The following NRXN3 variants were observed in gnomAD, a reference collection of about 807,000 sequenced individuals.
NRXN3 encodes neurexin III.
A neutral mutation model predicts 137.6 loss-of-function variants in NRXN3; 32 were observed. That is an observed-to-expected ratio of 0.23 (90% CI 0.18 to 0.31). NRXN3 has a LOEUF of 0.31. Ranked by LOEUF, NRXN3 falls within the 10% of genes least tolerant of loss-of-function variation. The pLI, the probability that NRXN3 is intolerant of heterozygous loss-of-function variation, is 1.00. For synonymous variants in NRXN3, 798 were observed against 784.5 expected (o/e 1.02, Z -0.29); for missense variants, 1,574 against 2,062.5 (o/e 0.76, Z 4.59).
chr14:78,501,384 T>G lies in NRXN3; in HGVS notation c.758-143736T>G, dbSNP rs369999435. Among the ~76,000 whole-genome samples the G allele has an allele frequency of 2.0e-5, 3 of 152,252 alleles. No homozygotes were observed. The East Asian group carries it at 5.8e-4, about 29-fold the overall frequency. Reference sequence around the variant, plus strand: ...AGATCCCTCCCTCATTGCCTCACCGTGTGGACCTTTCCATAGAGCGGCCCA... The same window carrying G: ...AGATCCCTCCCTCATTGCCTCACCGGGTGGACCTTTCCATAGAGCGGCCCA... On this transcript the variant is annotated intron_variant, in intron 4 of 20. Coordinates refer to ENST00000335750, the MANE Select transcript of NRXN3 (RefSeq NM_001330195.2).
At chr14:79,375,370 C>T (rs1383016449) in intron 15 of NRXN3, among the ~76,000 whole-genome samples, 2 of 148,000 alleles carry the variant, frequency 1.4e-5, no homozygotes, top group African/African-American at 2.5e-5. Context: ...TGTTTTGACT[C>T]TGCAGGGAAA....
At chr14:78,511,596 G>T (rs78436853) in intron 4 of NRXN3, among the ~76,000 whole-genome samples, 1 of 152,206 alleles carries the variant, frequency 6.6e-6, no homozygotes. Flanking sequence ...AAGAGATTTT[G>T]CATATATATT....
intron 19 of NRXN3, among the ~76,000 whole-genome samples, chr14:79,800,040 T>G (rs895781556): frequency 6.6e-6 from 1 of 152,186 alleles, no homozygotes; most frequent in Admixed American, 6.5e-5. Context: ...GTGAAAATTA[T>G]TTGGTGGGTG....
chr14:79,482,687 GA>G (rs919413556), intron 16 of NRXN3, among the ~76,000 whole-genome samples: 14 of 149,654 alleles, frequency 9.4e-5, no homozygotes, highest in South Asian at 6.4e-4. Flanking sequence ...CTGGGGGGGA[GA>G]AAAAAAAACA....
intron 8 of NRXN3, among the ~76,000 whole-genome samples, chr14:78,746,371 T>C (rs2098607253): frequency 6.6e-6 from 1 of 152,194 alleles, no homozygotes; most frequent in East Asian, 1.9e-4. Flanking sequence ...TTTATGCTTT[T>C]TCACAAAAGC....
At chr14:78,310,011 A>G (rs1208884094) in intron 4 of NRXN3, among the ~76,000 whole-genome samples, 2 of 152,270 alleles carry the variant, frequency 1.3e-5, no homozygotes, top group East Asian at 3.9e-4. Context: ...TAAAGATACT[A>G]GTCTGGTTAA....
At chr14:79,651,129 C>T (rs554343231) in intron 16 of NRXN3, among the ~76,000 whole-genome samples, 4 of 152,262 alleles carry the variant, frequency 2.6e-5, no homozygotes, top group Non-Finnish European at 5.9e-5. Context: ...AATCCAAACA[C>T]AGAAGCAGAG....
intron 8 of NRXN3, among the ~76,000 whole-genome samples, chr14:78,790,043 A>G (rs1255571709): frequency 6.6e-6 from 1 of 152,174 alleles, no homozygotes; most frequent in Non-Finnish European, 1.5e-5. Flanking sequence ...GAATGAGAGA[A>G]CAAATATTAT....
intron 15 of NRXN3, among the ~76,000 whole-genome samples, chr14:79,410,214 C>T (rs939014956): frequency 2.0e-5 from 3 of 151,902 alleles, no homozygotes; most frequent in Non-Finnish European, 2.9e-5. Flanking sequence ...CACACACACA[C>T]GTGCATACTC....
At chr14:78,812,003 T>G (rs1480383145) in intron 10 of NRXN3, among the ~76,000 whole-genome samples, 2 of 152,180 alleles carry the variant, frequency 1.3e-5, no homozygotes, top group Non-Finnish European at 2.9e-5. Flanking sequence ...TTTTTTGGTT[T>G]GTTTGTTTTT....
rs190237251 is a variant in NRXN3 at position 79,177,684 on chromosome 14, T to G, written c.3262+189543T>G. 4.6e-5 allele frequency among the ~76,000 whole-genome samples: 7 copies of G among 152,338 alleles called. No individual in the cohort carries two copies. The East Asian group carries it at 1.4e-3, about 29-fold the overall frequency. The stretch of plus-strand genomic sequence containing the variant: ...TCTTTCCCTCTGATACATTTGCATT[T>G]GAAGGGTGATCTTGTAGCATTTGAG... On this transcript the variant is annotated intron_variant, in intron 15 of 20. Coordinates refer to ENST00000335750, the MANE Select transcript of NRXN3 (RefSeq NM_001330195.2).
intron 15 of NRXN3, among the ~76,000 whole-genome samples, chr14:79,006,011 G>C (rs566596905): frequency 6.6e-6 from 1 of 151,804 alleles, no homozygotes; most frequent in Non-Finnish European, 1.5e-5. Flanking sequence ...TTATATTCCC[G>C]GTCTCTGTAT....
intron 16 of NRXN3, among the ~76,000 whole-genome samples, chr14:79,512,179 G>A (rs868596369): frequency 3.9e-5 from 6 of 152,190 alleles, no homozygotes; most frequent in African/African-American, 1.4e-4. Flanking sequence ...AATTACAGGC[G>A]AGAGCCACTG....
At chr14:79,258,848 GGGTAT>G (rs1487784425) in intron 15 of NRXN3, among the ~76,000 whole-genome samples, 1 of 152,130 alleles carries the variant, frequency 6.6e-6, no homozygotes, top group African/African-American at 2.4e-5. Context: ...GAGAAAAGAA[GGGTAT>G]GTGATTAAGT....
intron 10 of NRXN3, among the ~76,000 whole-genome samples, chr14:78,882,971 G>A (rs1485510527): frequency 6.6e-6 from 1 of 152,068 alleles, no homozygotes; most frequent in African/African-American, 2.4e-5. Flanking sequence ...TCTCATGATA[G>A]TGAGTGAGTT....
chr14:79,262,441 G>A (rs905345429), intron 15 of NRXN3, among the ~76,000 whole-genome samples: 12 of 150,000 alleles, frequency 8.0e-5, no homozygotes, highest in South Asian at 2.1e-4. Context: ...GAAGGAGGAG[G>A]AGAAAGAGGA....
chr14:78,334,856 T>G (rs1256640715), intron 4 of NRXN3, among the ~76,000 whole-genome samples: 1 of 152,108 alleles, frequency 6.6e-6, no homozygotes, highest in Non-Finnish European at 1.5e-5. Flanking sequence ...AATGATTCTG[T>G]AAACACTTAT....
chr14:79,753,766 C>A (rs894247014), intron 19 of NRXN3, among the ~76,000 whole-genome samples: 2 of 151,790 alleles, frequency 1.3e-5, no homozygotes, highest in African/African-American at 4.8e-5. Context: ...GTTGCCTAAG[C>A]CTGCCCACCT....
chr14:78,880,109 G>A (rs903617696), intron 10 of NRXN3, among the ~76,000 whole-genome samples: 1 of 146,856 alleles, frequency 6.8e-6, no homozygotes, highest in Admixed American at 6.7e-5. Flanking sequence ...GCGTAGTGGC[G>A]GGCGCCTGTA....
Sources: allele counts gnomAD v4.1 joint callset (sites outside exome capture counted in the v4.1 genomes callset), GRCh38; gene constraint gnomAD v4.1.1; transcripts MANE v1.5; gene names NCBI Gene and HGNC (gene_info 2026-07-23, HGNC 2026-07-21).